Variants in NECTIN3 observed in about 807,000 individuals in gnomAD.
NECTIN3 encodes the protein nectin cell adhesion molecule 3.
A neutral mutation model predicts 49.4 loss-of-function variants in NECTIN3; 8 were observed. The ratio of observed to expected loss-of-function variants is 0.16; its 90% CI spans 0.10 to 0.29. The LOEUF is 0.29. Among genes scored for constraint, NECTIN3 ranks in the 10% least tolerant of loss-of-function variants. The pLI, the probability that NECTIN3 is intolerant of heterozygous loss-of-function variation, is 1.00. For synonymous variants in NECTIN3, 277 were observed against 241.1 expected (o/e 1.15, Z -1.38); for missense variants, 581 against 654.6 (o/e 0.89, Z 1.23).
At chr3:111,128,301 ATGAC>A (rs1391078307) in intron 5 of NECTIN3, among the ~76,000 whole-genome samples, 33 of 151,222 alleles carry the variant, frequency 2.2e-4, no homozygotes, top group Non-Finnish European at 4.0e-4. Context: ...CGTGCCATGG[ATGAC>A]AGAGCGAAAC....
intron 1 of NECTIN3, 123 bp from the exon 2 acceptor site, chr3:111,111,907 G>A (rs938314558): frequency 3.2e-5 from 3 of 95,140 alleles, no homozygotes; most frequent in South Asian, 4.7e-4. Flanking sequence ...GCATGTGTGT[G>A]TGTGTGTGTG....
chr3:111,127,179 A>G (rs755874624), intron 5 of NECTIN3, among the ~76,000 whole-genome samples: 37 of 152,220 alleles, frequency 2.4e-4, no homozygotes, highest in Non-Finnish European at 4.3e-4. Context: ...TATGGAATAA[A>G]TAGTTAAGGG....
chr3:111,147,203 A>G (rs752132819), intron 6 of NECTIN3, among the ~76,000 whole-genome samples: 3 of 152,208 alleles, frequency 2.0e-5, no homozygotes, highest in Non-Finnish European at 4.4e-5. Flanking sequence ...GCAACCTTTA[A>G]CACCAATGTT....
chr3:111,175,364 G>T (rs2035508228), intron 7 of NECTIN3, among the ~76,000 whole-genome samples: 1 of 151,458 alleles, frequency 6.6e-6, no homozygotes, highest in Admixed American at 6.6e-5. Flanking sequence ...CCTTTGCCAG[G>T]CAACCACCCT....
chr3:111,153,658 C>T (rs984060574), intron 7 of NECTIN3, among the ~76,000 whole-genome samples: 1 of 151,914 alleles, frequency 6.6e-6, no homozygotes, highest in Admixed American at 6.6e-5. Flanking sequence ...GAAATTATTT[C>T]AGTAGAAAAA....
At chr3:111,097,954 G>T (rs1049879088) in intron 1 of NECTIN3, among the ~76,000 whole-genome samples, 2 of 152,278 alleles carry the variant, frequency 1.3e-5, no homozygotes, top group South Asian at 4.1e-4. Flanking sequence ...AAATTCTCTT[G>T]TGTAGTACTT....
chr3:111,115,568 C>T (rs1279128204), intron 2 of NECTIN3, among the ~76,000 whole-genome samples: 2 of 152,160 alleles, frequency 1.3e-5, no homozygotes, highest in African/African-American at 2.4e-5. Flanking sequence ...TCCCAAGTGA[C>T]TTATGTACAC....
chr3:111,157,834 T>A (rs1223029234), intron 7 of NECTIN3, among the ~76,000 whole-genome samples: 3 of 152,068 alleles, frequency 2.0e-5, no homozygotes, highest in Non-Finnish European at 4.4e-5. Context: ...AAAAGTAACA[T>A]TGGTATTACT....
intron 7 of NECTIN3, among the ~76,000 whole-genome samples, chr3:111,158,577 A>G (rs567114396): frequency 1.3e-5 from 2 of 152,268 alleles, no homozygotes; most frequent in South Asian, 4.1e-4. Context: ...GAAATTGCAG[A>G]CGATATTTAA....
chr3:111,075,975 A>G (rs527927245), intron 1 of NECTIN3, among the ~76,000 whole-genome samples: 1 of 152,242 alleles, frequency 6.6e-6, no homozygotes, highest in Admixed American at 6.5e-5. Flanking sequence ...GTCTTTCTGC[A>G]TCCTAAACAG....
At chr3:111,085,074 T>G (rs951226200) in intron 1 of NECTIN3, among the ~76,000 whole-genome samples, 1 of 152,224 alleles carries the variant, frequency 6.6e-6, no homozygotes, top group African/African-American at 2.4e-5. Context: ...TATTACAATC[T>G]CTGATCTGTT....
chr3:111,133,664 A>G lies in NECTIN3; in HGVS notation c.1099A>G (p.Thr367Ala), dbSNP rs375240781. ...DPPTTTTLQP[T>A]IQWHPSTADI... ...TCCTACTACTACCACCCTTCAGCCT[A>G]CAATTCAGTGGCATCCCTCAACTGC... The change falls in exon 6 of 6, where the codon ACA (threonine) becomes GCA (alanine). Residue 367 changes from threonine (T) to alanine (A), a missense_variant. Thr to Ala is a moderately conservative substitution (Grantham distance 58). Transcript: ENST00000485303. 100 of 1,613,710 alleles carry G rather than the reference A, an allele frequency of 6.2e-5. No homozygotes were observed. The highest frequency in any genetic ancestry group is 8.1e-5 in the Non-Finnish European group (96 of 1,179,790).
exon 6 of NECTIN3, chr3:111,144,941 C>T (rs911482625): frequency 3.8e-5 from 59 of 1,535,932 alleles, no homozygotes; most frequent in Middle Eastern, 1.7e-4. Context: ...GTAGCTGGAG[C>T]GGTAATTGGA....
chr3:111,193,718 G>T (rs2035856029), intron 1 of NECTIN3, among the ~76,000 whole-genome samples: 2 of 152,140 alleles, frequency 1.3e-5, no homozygotes. Flanking sequence ...AAAGGCCCCA[G>T]CTGATACTAT....
downstream of NECTIN3, among the ~76,000 whole-genome samples, chr3:111,142,468 ACT>A (rs1418097724): frequency 6.6e-6 from 1 of 151,818 alleles, no homozygotes; most frequent in African/African-American, 2.4e-5. Context: ...GATATAGTCA[ACT>A]CTCATAGAAT....
Position 111,192,438 on chromosome 3 carries a change from A to C in NECTIN3, c.63+25A>C, listed in dbSNP as rs142912586. ...TGTAAGTAACTGTGTTGTCGGTATC[A>C]GCCCAGGTGGAGCTGGTAGCTAACG... On this transcript the variant is annotated intron_variant, in intron 1 of 1. Coordinates refer to the NECTIN3 transcript ENST00000485506. The C allele has an allele frequency of 3.6e-4, 551 of 1,519,676 alleles. 5 individuals are homozygous for C. The African/African-American group carries it at 6.9e-3, about 19-fold the overall frequency. The allele number at this position is 1,519,676 out of a possible 1,614,324, so 94.1% of individuals were successfully genotyped here.
At chr3:111,157,433 A>T (rs2035119867) in intron 7 of NECTIN3, among the ~76,000 whole-genome samples, 1 of 152,096 alleles carries the variant, frequency 6.6e-6, no homozygotes. Flanking sequence ...GCTTGAGTTC[A>T]TTTAACATTT....
intron 1 of NECTIN3, among the ~76,000 whole-genome samples, chr3:111,096,751 G>A (rs13061640): frequency 0.71 from 107,464 of 152,080 alleles, 43,647 homozygotes; most frequent in Non-Finnish European, 0.93. Context: ...CAGCTTCCAC[G>A]TGTTGTTGAG....
intron 1 of NECTIN3, among the ~76,000 whole-genome samples, chr3:111,092,219 C>G (rs1344495595): frequency 6.6e-6 from 1 of 152,204 alleles, no homozygotes; most frequent in Non-Finnish European, 1.5e-5. Context: ...GGTATGTGTT[C>G]TGCAAATGAT....
Sources: allele counts gnomAD v4.1 joint callset (sites outside exome capture counted in the v4.1 genomes callset), GRCh38; gene constraint gnomAD v4.1.1; transcripts MANE v1.5; gene names NCBI Gene and HGNC (gene_info 2026-07-23, HGNC 2026-07-21).